Variants in BTBD16 observed in about 807,000 individuals in gnomAD.
The protein encoded by BTBD16 is BTB/POZ domain-containing protein 16.
A neutral mutation model predicts 67.4 loss-of-function variants in BTBD16; 66 were observed. That is an observed-to-expected ratio of 0.98 (90% CI 0.80 to 1.20). The LOEUF (loss-of-function observed/expected upper bound fraction) is 1.20, where lower values mean the gene tolerates loss of function less well. Among genes scored for constraint, BTBD16 ranks in the 50% most tolerant of loss-of-function variants. The pLI is 0.00. For missense variants in BTBD16, 634 were observed against 616.0 expected (o/e 1.03, Z -0.31); for synonymous variants, 242 against 236.4 (o/e 1.02, Z -0.22).
At chr10:122,328,738 A>C (rs1457540745) in intron 10 of BTBD16, 1 of 985,122 alleles carries the variant, frequency 1.0e-6, no homozygotes, top group Non-Finnish European at 1.2e-6. Flanking sequence ...ATGAAAAGTG[A>C]CCATTTTTGT....
At chr10:122,333,951 A>G (rs1256893898) in intron 13 of BTBD16, among the ~76,000 whole-genome samples, 1 of 152,192 alleles carries the variant, frequency 6.6e-6, no homozygotes, top group Non-Finnish European at 1.5e-5. Context: ...AATAATATAA[A>G]TTACAATTAA....
chr10:122,294,336 G>A (rs1012046025), intron 7 of BTBD16, among the ~76,000 whole-genome samples: 4 of 152,222 alleles, frequency 2.6e-5, no homozygotes, highest in Admixed American at 1.3e-4. Flanking sequence ...TGAGCTCCCA[G>A]GCAGTGGGAA....
intron 5 of BTBD16, among the ~76,000 whole-genome samples, chr10:122,286,771 T>C (rs886122163): frequency 1.4e-4 from 21 of 152,158 alleles, no homozygotes; most frequent in African/African-American, 4.1e-4. Context: ...TTCCACCTTA[T>C]TCCAGAAAGA....
rs570730757 is a variant in BTBD16, at chr10:122,334,436, C to T, written c.1165-445C>T. On this transcript the variant is annotated intron_variant, in intron 13 of 15. Coordinates refer to ENST00000260723, the MANE Select transcript of BTBD16 (RefSeq NM_144587.5). ...GGTCTTGATCTTCTGACCTCGTGAT[C>T]GGCCCGCCTCAGCCTCCCAAAGTGC... 1.7e-3 allele frequency among the ~76,000 whole-genome samples: 240 copies of T among 145,232 alleles called. 1 individual carries two copies. The highest frequency in any genetic ancestry group is 5.7e-3 in the African/African-American group (224 of 39,422).
intron 12 of BTBD16, chr10:122,332,156 C>G (rs1347489186): frequency 2.7e-6 from 1 of 367,392 alleles, no homozygotes; most frequent in Non-Finnish European, 5.0e-6. Context: ...CTGTGATCAT[C>G]TCTGCCCCAT....
In BTBD16 at chr10:122,286,100, C is replaced by CTCAGATGTGATTCTCGAGTGCCTGGGCT; in HGVS notation, c.242-1_268dup. The stretch of plus-strand genomic sequence containing the variant: ...TGTTTGCTCAGCATCATTTTCTGTC[C>CTCAGATGTGATTCTCGAGTGCCTGGGCT]TCAGATGTGATTCTCGAGTGCCTGG... On this transcript the variant is annotated splice_polypyrimidine_tract_variant and splice_region_variant and intron_variant, in intron 4 of 15. Transcript: ENST00000260723. 6.2e-7 allele frequency: 1 copy of CTCAGATGTGATTCTCGAGTGCCTGGGCT among 1,612,352 alleles called. No homozygotes were observed. Among genetic ancestry groups the CTCAGATGTGATTCTCGAGTGCCTGGGCT allele is most frequent in the Non-Finnish European group, 8.5e-7 (1 of 1,178,884 alleles).
At chr10:122,281,217 C>T (rs1311054912) in intron 3 of BTBD16, among the ~76,000 whole-genome samples, 1 of 152,200 alleles carries the variant, frequency 6.6e-6, no homozygotes, top group Admixed American at 6.5e-5. Context: ...AGTTGCAAGG[C>T]AGATGTCCTC....
At chr10:122,310,927 G>A (rs562418539) in intron 10 of BTBD16, among the ~76,000 whole-genome samples, 8 of 152,142 alleles carry the variant, frequency 5.3e-5, no homozygotes, top group South Asian at 2.1e-4. Flanking sequence ...CCCAGAATCC[G>A]GAAAGGAGGG....
intron 15 of BTBD16, among the ~76,000 whole-genome samples, chr10:122,337,758 G>C (rs1432586682): frequency 2.6e-5 from 4 of 152,158 alleles, no homozygotes; most frequent in African/African-American, 4.8e-5. Flanking sequence ...TCTTGTTCAG[G>C]GTGATGGTTA....
Position 122,271,478 on chromosome 10 carries a change from T to G in BTBD16, c.-79T>G, listed in dbSNP as rs1025007841. On this transcript the variant is annotated 5_prime_UTR_variant, in exon 1 of 16. The change abolishes the stop of an existing upstream ORF in the 5' untranslated region. Transcript: ENST00000260723. ...TCCTCCACTCAGCACACTTCCCCTG[T>G]AAACACGCCTGTGGTGGGCAAAAGG... The G allele has an allele frequency of 2.6e-5, 4 of 152,294 alleles. No homozygotes were observed. The highest frequency in any genetic ancestry group is 5.9e-5 in the Non-Finnish European group (4 of 68,086). The allele number at this position is 152,294 out of a possible 1,614,324, so 9.4% of individuals were successfully genotyped here. A position where few individuals can be genotyped will look rare whatever the true frequency, so the allele number is the denominator to read the frequency against.
At chr10:122,332,211 G>C (rs900743761) in intron 12 of BTBD16, 39 of 513,736 alleles carry the variant, frequency 7.6e-5, no homozygotes, top group African/African-American at 6.8e-4. Context: ...ATACTTTTTT[G>C]TCTTCTCCTT....
chr10:122,286,089 C>T lies in BTBD16; in HGVS notation c.242-16C>T, dbSNP rs1401521673. 6.2e-7 allele frequency: 1 copy of T among 1,608,892 alleles called. No homozygotes were observed. The highest frequency in any genetic ancestry group is 1.7e-5 in the Admixed American group (1 of 59,586). ...CGTTACTGATGTGTTTGCTCAGCAT[C>T]ATTTTCTGTCCTCAGATGTGATTCT... On this transcript the variant is annotated splice_polypyrimidine_tract_variant and intron_variant, in intron 4 of 15. Transcript: ENST00000260723.
intron 10 of BTBD16, 113 bp downstream of exon 10, chr10:122,307,421 C>T: frequency 8.8e-7 from 1 of 1,132,364 alleles, no homozygotes; most frequent in Non-Finnish European, 1.2e-6. Flanking sequence ...TAGCATCATT[C>T]AGAGGGCACT....
intron 12 of BTBD16, 83 bp downstream of exon 12, chr10:122,331,341 T>C: frequency 6.3e-7 from 1 of 1,580,254 alleles, no homozygotes; most frequent in Admixed American, 1.8e-5. Context: ...GTGTTTCACA[T>C]TTGAAACCTC....
chr10:122,325,299 A>G (rs567100022), intron 10 of BTBD16, among the ~76,000 whole-genome samples: 1 of 152,346 alleles, frequency 6.6e-6, no homozygotes, highest in East Asian at 1.9e-4. Flanking sequence ...AGAGTACAAC[A>G]ATAAACAATG....
rs2096389233 is a variant in BTBD16, at chr10:122,299,084, C to T, written c.741C>T (p.His247=). ...NLVPLGGTQI[H]LHKIPQDLLH... ...TTCCTCTAGGGGGGACGCAGATCCA[C>T]CTCCACAAAATCCCACAGGACCTGC... The change falls in exon 9 of 16, where the codon CAC becomes CAT. Residue 247 remains histidine, a synonymous_variant. Coordinates refer to ENST00000260723, the MANE Select transcript of BTBD16 (RefSeq NM_144587.5). 1 of 1,614,074 alleles carries T rather than the reference C, an allele frequency of 6.2e-7. No individual in the cohort carries two copies. The highest frequency in any genetic ancestry group is 8.5e-7 in the Non-Finnish European group (1 of 1,180,008).
At chr10:122,278,288 G>A (rs971840894) in intron 3 of BTBD16, among the ~76,000 whole-genome samples, 2 of 152,132 alleles carry the variant, frequency 1.3e-5, no homozygotes, top group Admixed American at 1.3e-4. Flanking sequence ...CATTTGGACT[G>A]TTAAAAGCAG....
At chr10:122,277,264 CTTAG>C (rs140050520) in intron 3 of BTBD16, among the ~76,000 whole-genome samples, 8,112 of 150,804 alleles carry the variant, frequency 0.054, 719 homozygotes, top group African/African-American at 0.18. Flanking sequence ...ACAAACAAAA[CTTAG>C]TTAGTCCTGG....
Position 122,296,492 on chromosome 10 carries a change from CATA to C in BTBD16, c.591-1273_591-1271del, listed in dbSNP as rs569327604. Among the ~76,000 whole-genome samples the C allele has an allele frequency of 2.0e-5, 3 of 152,300 alleles. No homozygotes were observed. In the South Asian group the frequency reaches 6.2e-4, roughly 32 times the overall value. ...ACTGAGTTTAGGACAACCATTGAGT[CATA>C]ATGAGTTTAAGGTTGTGCTTCCGTA... is the stretch of plus-strand genomic sequence containing the variant. On this transcript the variant is annotated intron_variant, in intron 7 of 15. Transcript: ENST00000260723.
Sources: allele counts gnomAD v4.1 joint callset (sites outside exome capture counted in the v4.1 genomes callset), GRCh38; gene constraint gnomAD v4.1.1; transcripts MANE v1.5; gene names NCBI Gene and HGNC (gene_info 2026-07-23, HGNC 2026-07-21).